CFAP221: variants seen among roughly 807,000 people sequenced by gnomAD.
CFAP221 encodes the protein cilia- and flagella-associated protein 221.
Under a neutral mutation model 113.1 loss-of-function variants are expected in CFAP221, and 97 were observed. The observed-to-expected ratio is 0.86, with a 90% CI of 0.73 to 1.02. CFAP221 has a LOEUF of 1.02. Ranked by LOEUF, CFAP221 falls within the 50% of genes least tolerant of loss-of-function variation. The pLI, the probability that CFAP221 is intolerant of heterozygous loss-of-function variation, is 0.00. For synonymous variants in CFAP221, 331 were observed against 354.4 expected, an observed-to-expected ratio of 0.93 and a Z score of 0.74; for missense variants, 1,025 against 1,013.4, an observed-to-expected ratio of 1.01 and a Z score of -0.16.
At chr2:119,622,056 CA>C (rs548509159) in intron 14 of CFAP221, among the ~76,000 whole-genome samples, 2 of 152,088 alleles carry the variant, frequency 1.3e-5, no homozygotes, top group East Asian at 3.9e-4. Context: ...AAGAACCCTT[CA>C]AAAAATCAAT....
chr2:119,571,133 C>CTTTTTTTTTTT (rs34017847), intron 6 of CFAP221, among the ~76,000 whole-genome samples: 11 of 93,128 alleles, frequency 1.2e-4, no homozygotes, highest in African/African-American at 2.2e-4. Flanking sequence ...TAACAACCCC[C>CTTTTTTTTTTT]TTTTTTTTTT....
chr2:119,590,045 G>A (rs576650714), intron 7 of CFAP221: 6 of 152,214 alleles, frequency 3.9e-5, no homozygotes, highest in Non-Finnish European at 7.4e-5. Flanking sequence ...TTGTCTACTT[G>A]TCACTATTTT....
chr2:119,584,278 T>C (rs1045065665), intron 6 of CFAP221, among the ~76,000 whole-genome samples: 4 of 152,174 alleles, frequency 2.6e-5, no homozygotes, highest in Non-Finnish European at 5.9e-5. Flanking sequence ...TATAATTAAC[T>C]AAATTAATAT....
At chr2:119,560,394 A>G (rs1681159373) in intron 5 of CFAP221, among the ~76,000 whole-genome samples, 1 of 152,208 alleles carries the variant, frequency 6.6e-6, no homozygotes, top group African/African-American at 2.4e-5. Context: ...ACAACCATCC[A>G]AGTTATGATT....
chr2:119,653,335 C>T (rs1157290950), intron 23 of CFAP221, among the ~76,000 whole-genome samples: 1 of 151,960 alleles, frequency 6.6e-6, no homozygotes, highest in African/African-American at 2.4e-5. Flanking sequence ...GAGCCAAGAT[C>T]GCGCCATTGC....
chr2:119,656,249 T>G (rs905539591), intron 23 of CFAP221, 113 bp from the exon 24 acceptor site: 7 of 743,298 alleles, frequency 9.4e-6, no homozygotes, highest in African/African-American at 1.8e-5. Context: ...AAACCTTCTT[T>G]GTATATTAAA....
At position 119,550,979 on chromosome 2, in the gene CFAP221, A is replaced by G. The variant is rs1218149165; in HGVS notation, c.240+1794A>G. 4.6e-5 allele frequency among the ~76,000 whole-genome samples: 7 copies of G among 152,206 alleles called. No individual in the cohort carries two copies. In the East Asian group the frequency reaches 1.4e-3, roughly 29 times the overall value. ...TCTATAGATTTGCCTCTTCCTGGAC[A>G]TTTCATATGAACGCAATCATACAAT... On this transcript the variant is annotated intron_variant, in intron 3 of 23. Transcript: ENST00000413369.
intron 8 of CFAP221, among the ~76,000 whole-genome samples, chr2:119,604,373 G>T (rs1266865299): frequency 1.3e-5 from 2 of 152,046 alleles, no homozygotes; most frequent in African/African-American, 4.8e-5. Flanking sequence ...GGCAGAGGTT[G>T]CAGTGAGTCA....
At position 119,647,249 on chromosome 2, in the gene CFAP221, T is replaced by C. The variant is rs1687868775; in HGVS notation, c.2318+199T>C. ...TGGAGAATCGACAGTCTCTAAGCTCTATGGCTTCCTGATCTTTAGCTCTTC... is the reference window on the plus strand; with the variant it reads ...TGGAGAATCGACAGTCTCTAAGCTCCATGGCTTCCTGATCTTTAGCTCTTC... On this transcript the variant is annotated intron_variant, in intron 22 of 23. Transcript: ENST00000413369. 1.3e-5 allele frequency among the ~76,000 whole-genome samples: 2 copies of C among 152,190 alleles called. 1 individual carries two copies. The highest frequency in any genetic ancestry group is 4.8e-5 in the African/African-American group (2 of 41,434).
At chr2:119,612,302 T>C (rs1453967580) in intron 13 of CFAP221, among the ~76,000 whole-genome samples, 5 of 152,202 alleles carry the variant, frequency 3.3e-5, no homozygotes, top group Admixed American at 2.6e-4. Flanking sequence ...TGGTAATTTA[T>C]AAAGGAAAAA....
chr2:119,595,919 G>A (rs1231027993), intron 7 of CFAP221, among the ~76,000 whole-genome samples: 1 of 151,944 alleles, frequency 6.6e-6, no homozygotes, highest in African/African-American at 2.4e-5. Context: ...AGGGCTGCAA[G>A]GCTGGAACAG....
At chr2:119,634,254 C>T (rs929578438) in intron 19 of CFAP221, among the ~76,000 whole-genome samples, 1 of 152,182 alleles carries the variant, frequency 6.6e-6, no homozygotes, top group African/African-American at 2.4e-5. Flanking sequence ...GCAGGAGGAT[C>T]AGTTGAGCCC....
intron 14 of CFAP221, among the ~76,000 whole-genome samples, chr2:119,621,229 A>G (rs921202728): frequency 2.0e-5 from 3 of 152,080 alleles, no homozygotes; most frequent in African/African-American, 7.3e-5. Context: ...GTGTCAAAAA[A>G]AAAAAAAAAG....
intron 7 of CFAP221, among the ~76,000 whole-genome samples, chr2:119,594,377 A>G (rs543124733): frequency 6.6e-6 from 1 of 152,134 alleles, no homozygotes; most frequent in East Asian, 1.9e-4. Flanking sequence ...CTGAGACCAC[A>G]GGTGTGCACC....
At chr2:119,656,760 G>A, downstream of CFAP221, 1 of 218,138 alleles carries the variant, frequency 4.6e-6, no homozygotes, top group Admixed American at 5.3e-5. Flanking sequence ...CTGTTTCTGG[G>A]GGTCTTTTGG....
At chr2:119,625,502 TG>T (rs1472083476) in intron 14 of CFAP221, 80 bp from the exon 15 acceptor site, 3 of 1,207,772 alleles carry the variant, frequency 2.5e-6, no homozygotes, top group African/African-American at 3.0e-5. Context: ...TTAGTGTGGT[TG>T]GGGAAAGTGA....
At chr2:119,629,148 C>T (rs960906652) in intron 16 of CFAP221, among the ~76,000 whole-genome samples, 5 of 152,234 alleles carry the variant, frequency 3.3e-5, no homozygotes, top group Non-Finnish European at 5.9e-5. Flanking sequence ...GGCATATTAA[C>T]GTTTCATCAT....
intron 16 of CFAP221, among the ~76,000 whole-genome samples, chr2:119,628,289 TGGGG>T (rs34072800): frequency 4.5e-4 from 4 of 8,888 alleles, no homozygotes; most frequent in African/African-American, 7.9e-4. Context: ...TCTCTCTCTC[TGGGG>T]GGTGTGTGTG....
intron 12 of CFAP221, among the ~76,000 whole-genome samples, chr2:119,609,985 G>C (rs1398640006): frequency 6.6e-6 from 1 of 152,178 alleles, no homozygotes; most frequent in Non-Finnish European, 1.5e-5. Flanking sequence ...GCACATATTA[G>C]ATGTGCATTT....
Sources: allele counts gnomAD v4.1 joint callset (sites outside exome capture counted in the v4.1 genomes callset), GRCh38; gene constraint gnomAD v4.1.1; transcripts MANE v1.5; gene names NCBI Gene and HGNC (gene_info 2026-07-23, HGNC 2026-07-21).